Variants in OR2L13 observed in about 807,000 individuals in gnomAD.
The protein encoded by OR2L13 is olfactory receptor family 2 subfamily L member 13, also known as olfactory receptor 2L13.
A neutral mutation model predicts 15.3 loss-of-function variants in OR2L13; 14 were observed. The ratio of observed to expected loss-of-function variants is 0.91; its 90% confidence interval spans 0.60 to 1.43. The LOEUF (loss-of-function observed/expected upper bound fraction) is 1.43. Among genes scored for constraint, OR2L13 ranks in the 40% most tolerant of loss-of-function variants. OR2L13 has a pLI of 0.00. For synonymous variants in OR2L13, 152 were observed against 142.9 expected (o/e 1.06, Z -0.45); for missense variants, 367 against 387.9 (o/e 0.95, Z 0.45).
At chr1:247,971,891 C>T in the OR2L13 span, among the ~76,000 whole-genome samples, 9 of 152,100 alleles carry the variant, frequency 5.9e-5, no homozygotes, top group Non-Finnish European at 1.2e-4. Flanking sequence ...TCAGCAAATG[C>T]AAAAGGGCAG....
At chr1:247,960,465 G>T in the OR2L13 span, among the ~76,000 whole-genome samples, 9 of 152,190 alleles carry the variant, frequency 5.9e-5, no homozygotes, top group African/African-American at 1.9e-4. Flanking sequence ...TCTCTTCAAA[G>T]CTGTCAGACA....
At chr1:247,978,300 A>G in the OR2L13 span, among the ~76,000 whole-genome samples, 6 of 152,028 alleles carry the variant, frequency 3.9e-5, no homozygotes, top group Non-Finnish European at 8.8e-5. Flanking sequence ...CACTGTTTTG[A>G]TGTTTTGGTC....
At chr1:247,975,707 A>G in the OR2L13 span, 228 of 596,176 alleles carry the variant, frequency 3.8e-4, no homozygotes, top group Non-Finnish European at 4.1e-4. Flanking sequence ...ACATCAACTT[A>G]GCAGTGTACA....
the OR2L13 span, among the ~76,000 whole-genome samples, chr1:248,025,627 C>G: frequency 6.8e-6 from 1 of 147,456 alleles, no homozygotes; most frequent in African/African-American, 2.6e-5. Flanking sequence ...ATAAATCATG[C>G]TGCTATAAAG....
the OR2L13 span, chr1:248,061,220 T>C: frequency 6.2e-7 from 1 of 1,611,702 alleles, no homozygotes; most frequent in Admixed American, 1.7e-5. Context: ...TTCTGTGATG[T>C]CCCAGCAATG....
chr1:248,039,821 T>G, the OR2L13 span: 1 of 152,200 alleles, frequency 6.6e-6, no homozygotes, highest in African/African-American at 2.4e-5. Context: ...TACTCTCAAC[T>G]GGTATGTATG....
the OR2L13 span, among the ~76,000 whole-genome samples, chr1:247,976,754 T>C: frequency 4.0e-4 from 61 of 152,346 alleles, no homozygotes; most frequent in African/African-American, 1.3e-3. Flanking sequence ...CACTGGCTAA[T>C]TCACTCCTAC....
chr1:248,043,343 T>A, the OR2L13 span, among the ~76,000 whole-genome samples: 1 of 152,144 alleles, frequency 6.6e-6, no homozygotes, highest in Non-Finnish European at 1.5e-5. Context: ...GGATGGTAAG[T>A]AAATTCTGCA....
chr1:248,091,012 T>G (rs370480993), upstream of OR2L13, among the ~76,000 whole-genome samples: 22 of 152,324 alleles, frequency 1.4e-4, 1 homozygote, highest in East Asian at 4.2e-3. Flanking sequence ...ATTGTGGTTT[T>G]GATATGCATT....
chr1:248,082,958 A>C, the OR2L13 span, among the ~76,000 whole-genome samples: 3 of 152,208 alleles, frequency 2.0e-5, no homozygotes, highest in Admixed American at 6.5e-5. Context: ...GCAATTTTCC[A>C]ATGTGATTAC....
the OR2L13 span, among the ~76,000 whole-genome samples, chr1:248,006,913 A>G: frequency 6.6e-6 from 1 of 152,156 alleles, no homozygotes; most frequent in Admixed American, 6.5e-5. Flanking sequence ...TGAGAAACAC[A>G]TTTCTCTTGT....
chr1:247,965,682 T>C, the OR2L13 span: 4 of 1,552,818 alleles, frequency 2.6e-6, no homozygotes, highest in South Asian at 3.8e-5. Flanking sequence ...TTCAAACGTA[T>C]GTGTTCTTGG....
chr1:247,958,382 T>C, the OR2L13 span, among the ~76,000 whole-genome samples: 1 of 152,214 alleles, frequency 6.6e-6, no homozygotes, highest in Admixed American at 6.5e-5. Context: ...AATTTTGGAA[T>C]AGGTGTGTTG....
the OR2L13 span, among the ~76,000 whole-genome samples, chr1:247,963,486 A>T: frequency 1.3e-5 from 2 of 152,138 alleles, no homozygotes; most frequent in Non-Finnish European, 2.9e-5. Context: ...TGTTCCTTGT[A>T]TCTTTTGAAA....
the OR2L13 span, among the ~76,000 whole-genome samples, chr1:248,077,801 T>C: frequency 0.012 from 1,867 of 152,284 alleles, 47 homozygotes; most frequent in African/African-American, 0.043. Flanking sequence ...CAGGTAACTA[T>C]ATATTTATTA....
chr1:247,994,215 T>G, the OR2L13 span, among the ~76,000 whole-genome samples: 1 of 151,956 alleles, frequency 6.6e-6, no homozygotes, highest in Admixed American at 6.5e-5. Flanking sequence ...GCTAACACGG[T>G]GAAAACCCCG....
At chr1:247,968,522 G>A in the OR2L13 span, among the ~76,000 whole-genome samples, 1 of 140,100 alleles carries the variant, frequency 7.1e-6, no homozygotes, top group East Asian at 2.1e-4. Context: ...AGGCCCAGGT[G>A]AGTGATGTTC....
chr1:248,028,189 GA>G, the OR2L13 span, among the ~76,000 whole-genome samples: 1 of 135,562 alleles, frequency 7.4e-6, no homozygotes, highest in East Asian at 2.2e-4. Flanking sequence ...AGTCTCTCCA[GA>G]AGGCTGATTT....
the OR2L13 span, among the ~76,000 whole-genome samples, chr1:247,985,224 G>A: frequency 6.6e-6 from 1 of 151,872 alleles, no homozygotes. Flanking sequence ...TTAACATTAG[G>A]TATATCTCCT....
Sources: gnomAD v4.1 joint callset for allele counts (sites outside exome capture counted in the v4.1 genomes callset) on GRCh38, gnomAD v4.1.1 for gene constraint, MANE v1.5 for transcripts, NCBI Gene and HGNC (gene_info 2026-07-23, HGNC 2026-07-21) for gene names.